MICU1: variants seen among roughly 807,000 people sequenced by gnomAD.
The protein encoded by MICU1 is calcium uptake protein 1, mitochondrial.
MICU1 carries 45 observed loss-of-function variants against 56.8 expected under a neutral mutation model. The observed-to-expected ratio is 0.79, with a 90% confidence interval of 0.62 to 1.02. The LOEUF is 1.02. Ranked by LOEUF, MICU1 falls within the 50% of genes least tolerant of loss-of-function variation. The pLI, the probability that MICU1 is intolerant of heterozygous loss-of-function variation, is 0.00. For synonymous variants in MICU1, 186 were observed against 195.1 expected, an observed-to-expected ratio of 0.95 and a Z score of 0.39; for missense variants, 504 against 587.1, an observed-to-expected ratio of 0.86 and a Z score of 1.46.
At chr10:72,544,772 TA>T (rs1423721293) in intron 4 of MICU1, among the ~76,000 whole-genome samples, 1 of 152,192 alleles carries the variant, frequency 6.6e-6, no homozygotes, top group Non-Finnish European at 1.5e-5. Context: ...TCGTACAGAA[TA>T]TTTTTTTCCT....
intron 1 of MICU1, among the ~76,000 whole-genome samples, chr10:72,603,075 A>C (rs972158094): frequency 6.6e-6 from 1 of 152,110 alleles, no homozygotes; most frequent in Non-Finnish European, 1.5e-5. Context: ...TCTTGCAGTG[A>C]GCCGAGATCA....
At position 72,566,769 on chromosome 10, in the gene MICU1, C is replaced by T; in HGVS notation, c.25G>A (p.Ala9Thr). 1 of 1,611,812 alleles carries T rather than the reference C, an allele frequency of 6.2e-7. No individual in the cohort carries two copies. The highest frequency in any genetic ancestry group is 8.5e-7 in the Non-Finnish European group (1 of 1,179,130). The change falls in exon 2 of 12, where the codon GCT becomes ACT. Residue 9 changes from alanine (A) to threonine (T), a missense_variant. Coordinates refer to ENST00000361114, the MANE Select transcript of MICU1 (RefSeq NM_001195518.2). MFRLNSLS[A>T]LAELAVGSRW... ...GAACCCACAGCCAGTTCTGCCAAAG[C>T]AGAAAGTGAGTTCAGACGAAACATC...
intron 6 of MICU1, among the ~76,000 whole-genome samples, chr10:72,499,747 T>C (rs530893099): frequency 2.6e-5 from 4 of 152,320 alleles, no homozygotes; most frequent in Admixed American, 2.0e-4. Flanking sequence ...ATCTCATCTG[T>C]TAGGCCTTGC....
At chr10:72,495,212 C>A (rs886314588) in intron 6 of MICU1, among the ~76,000 whole-genome samples, 4 of 148,002 alleles carry the variant, frequency 2.7e-5, no homozygotes, top group African/African-American at 1.0e-4. Context: ...TAATAGACCC[C>A]CATCCCTAAC....
At chr10:72,531,886 T>A (rs565492795) in intron 5 of MICU1, among the ~76,000 whole-genome samples, 24 of 151,590 alleles carry the variant, frequency 1.6e-4, no homozygotes, top group Non-Finnish European at 2.2e-4. Context: ...AGGTTTTATT[T>A]TTTTTTTTTT....
chr10:72,485,045 T>C (rs981510990), intron 6 of MICU1, among the ~76,000 whole-genome samples: 1 of 152,116 alleles, frequency 6.6e-6, no homozygotes, highest in Non-Finnish European at 1.5e-5. Context: ...GCCTAAAATA[T>C]TTGCTATCTG....
chr10:72,582,259 T>C (rs895312816), intron 1 of MICU1, among the ~76,000 whole-genome samples: 2 of 152,220 alleles, frequency 1.3e-5, no homozygotes, highest in Admixed American at 6.5e-5. Flanking sequence ...CAGTATCCTA[T>C]ATTAGTCTCA....
At chr10:72,426,661 G>T (rs182550960) in intron 8 of MICU1, among the ~76,000 whole-genome samples, 1 of 152,266 alleles carries the variant, frequency 6.6e-6, no homozygotes, top group East Asian at 1.9e-4. Context: ...GCCTCCCAAA[G>T]TGCTGGGATT....
intron 1 of MICU1, among the ~76,000 whole-genome samples, chr10:72,595,493 T>C (rs1841355777): frequency 7.8e-6 from 1 of 128,094 alleles, no homozygotes; most frequent in Non-Finnish European, 1.7e-5. Context: ...AAAGACCATA[T>C]ACATCAAAGA....
At chr10:72,405,595 A>G (rs1362612711) in intron 10 of MICU1, among the ~76,000 whole-genome samples, 1 of 151,930 alleles carries the variant, frequency 6.6e-6, no homozygotes, top group African/African-American at 2.4e-5. Flanking sequence ...AAAAAATTAC[A>G]GACCAATATC....
At chr10:72,587,574 A>G (rs1841097950) in intron 1 of MICU1, among the ~76,000 whole-genome samples, 1 of 152,048 alleles carries the variant, frequency 6.6e-6, no homozygotes, top group African/African-American at 2.4e-5. Flanking sequence ...GTTCAAGATC[A>G]GCCTGAGCAA....
chr10:72,455,363 A>C, intron 8 of MICU1, among the ~76,000 whole-genome samples: 1 of 151,186 alleles, frequency 6.6e-6, no homozygotes, highest in Non-Finnish European at 1.5e-5. Flanking sequence ...AAAAAAAAAA[A>C]AAAAAAAAAA....
intron 5 of MICU1, among the ~76,000 whole-genome samples, chr10:72,522,389 T>C (rs551965679): frequency 6.6e-6 from 1 of 152,276 alleles, no homozygotes; most frequent in South Asian, 2.1e-4. Flanking sequence ...ATGGGTTCAT[T>C]GATCCCAAAT....
chr10:72,569,231 A>ATTTTTTTTTTTTTTT (rs1156509426), intron 1 of MICU1, among the ~76,000 whole-genome samples: 1 of 39,538 alleles, frequency 2.5e-5, no homozygotes, highest in African/African-American at 9.1e-5. Context: ...ATATATATAT[A>ATTTTTTTTTTTTTTT]TATATATTTT....
intron 9 of MICU1, among the ~76,000 whole-genome samples, chr10:72,413,344 C>A (rs7904731): frequency 0.072 from 10,888 of 152,218 alleles, 1,337 homozygotes; most frequent in African/African-American, 0.25. Context: ...GGTTAGACTT[C>A]ATCAAAATTT....
At chr10:72,459,615 C>T (rs1177274054) in intron 8 of MICU1, among the ~76,000 whole-genome samples, 3 of 152,138 alleles carry the variant, frequency 2.0e-5, no homozygotes, top group Non-Finnish European at 4.4e-5. Context: ...AAGGATAGCA[C>T]TCTGTCCCTC....
At chr10:72,597,137 A>G (rs1174996511) in intron 1 of MICU1, among the ~76,000 whole-genome samples, 2 of 152,122 alleles carry the variant, frequency 1.3e-5, no homozygotes, top group African/African-American at 4.8e-5. Flanking sequence ...TTTATTTCAC[A>G]CTATATGGCA....
chr10:72,570,244 C>G (rs1840574505), intron 1 of MICU1, among the ~76,000 whole-genome samples: 1 of 152,164 alleles, frequency 6.6e-6, no homozygotes, highest in South Asian at 2.1e-4. Flanking sequence ...CATGCCCAGC[C>G]CACTGATTCC....
intron 6 of MICU1, among the ~76,000 whole-genome samples, chr10:72,479,532 G>A (rs1866225279): frequency 6.6e-6 from 1 of 152,178 alleles, no homozygotes; most frequent in South Asian, 2.1e-4. Context: ...GGTTTGTCAT[G>A]TGTTTTTGTT....
Sources: gnomAD v4.1 joint callset for allele counts (sites outside exome capture counted in the v4.1 genomes callset) on GRCh38, gnomAD v4.1.1 for gene constraint, MANE v1.5 for transcripts, NCBI Gene and HGNC (gene_info 2026-07-23, HGNC 2026-07-21) for gene names.